The following IQCB1 variants were observed in gnomAD, a reference collection of about 807,000 sequenced individuals.
IQCB1 encodes IQ calmodulin-binding motif-containing protein 1.
Under a neutral mutation model 84.4 loss-of-function variants are expected in IQCB1, and 56 were observed. The ratio of observed to expected loss-of-function variants is 0.66; its 90% confidence interval spans 0.54 to 0.83. IQCB1 has a LOEUF of 0.83. Among genes scored for constraint, IQCB1 ranks in the 40% least tolerant of loss-of-function variants. The pLI, the probability that IQCB1 is intolerant of heterozygous loss-of-function variation, is 0.00. For synonymous variants in IQCB1, 210 were observed against 234.8 expected, an observed-to-expected ratio of 0.89 and a Z score of 0.96; for missense variants, 629 against 682.1, an observed-to-expected ratio of 0.92 and a Z score of 0.87.
At chr3:121,786,732 T>C (rs1948754897) in intron 12 of IQCB1, among the ~76,000 whole-genome samples, 1 of 152,178 alleles carries the variant, frequency 6.6e-6, no homozygotes, top group South Asian at 2.1e-4. Context: ...CAACTTTGCC[T>C]TCGTAGCCTT....
intron 10 of IQCB1, among the ~76,000 whole-genome samples, chr3:121,792,450 G>C (rs907199632): frequency 2.6e-5 from 4 of 151,664 alleles, no homozygotes; most frequent in African/African-American, 9.7e-5. Flanking sequence ...ACGAGGTCAG[G>C]AGATCGAGAC....
At chr3:121,787,534 C>T (rs747312520) in intron 12 of IQCB1, among the ~76,000 whole-genome samples, 15 of 152,232 alleles carry the variant, frequency 9.9e-5, no homozygotes, top group South Asian at 2.1e-4. Flanking sequence ...GGGCAGATCA[C>T]GAGGTCTAGA....
At chr3:121,793,195 T>A (rs1480271927) in intron 10 of IQCB1, among the ~76,000 whole-genome samples, 2 of 152,210 alleles carry the variant, frequency 1.3e-5, no homozygotes, top group Admixed American at 6.5e-5. Flanking sequence ...AGGTAAATTG[T>A]GAGGTTTCTC....
intron 5 of IQCB1, among the ~76,000 whole-genome samples, chr3:121,824,695 T>C (rs1325304570): frequency 3.3e-5 from 5 of 151,460 alleles, no homozygotes; most frequent in Non-Finnish European, 5.9e-5. Flanking sequence ...TGTGTATGTA[T>C]CTAATCACAG....
At chr3:121,801,202 A>G (rs1281482016) in intron 7 of IQCB1, among the ~76,000 whole-genome samples, 1 of 151,882 alleles carries the variant, frequency 6.6e-6, no homozygotes, top group Non-Finnish European at 1.5e-5. Context: ...GTTTTTCTCT[A>G]CCATGTATAA....
chr3:121,796,184 A>C (rs1949188879), intron 9 of IQCB1, among the ~76,000 whole-genome samples: 2 of 152,132 alleles, frequency 1.3e-5, no homozygotes, highest in African/African-American at 4.8e-5. Flanking sequence ...TAGTTTTGAG[A>C]TTAATCTAAA....
At chr3:121,826,496 T>A (rs772178921) in intron 4 of IQCB1, among the ~76,000 whole-genome samples, 2 of 152,202 alleles carry the variant, frequency 1.3e-5, no homozygotes, top group African/African-American at 4.8e-5. Flanking sequence ...CTCAAAGCTA[T>A]AGGATACCTT....
At chr3:121,818,906 G>C (rs1015008305) in intron 5 of IQCB1, among the ~76,000 whole-genome samples, 1 of 149,464 alleles carries the variant, frequency 6.7e-6, no homozygotes, top group Non-Finnish European at 1.5e-5. Flanking sequence ...ATGTTGTGAG[G>C]GTGGAAGCAA....
intron 9 of IQCB1, among the ~76,000 whole-genome samples, chr3:121,796,266 C>T (rs917710970): frequency 2.0e-5 from 3 of 152,094 alleles, no homozygotes; most frequent in African/African-American, 7.2e-5. Flanking sequence ...CCTCCCCCAA[C>T]CCATTCTCCT....
chr3:121,789,934 T>C, intron 11 of IQCB1, 139 bp downstream of exon 11: 1 of 729,134 alleles, frequency 1.4e-6, no homozygotes, highest in Non-Finnish European at 2.4e-6. Flanking sequence ...TCAGAAGATC[T>C]AATAAAGTTT....
intron 11 of IQCB1, among the ~76,000 whole-genome samples, chr3:121,789,551 A>C (rs1234607227): frequency 6.6e-6 from 1 of 152,292 alleles, no homozygotes; most frequent in South Asian, 2.1e-4. Flanking sequence ...GATGAAGTGA[A>C]ATAAAGGGCT....
Position 121,788,267 on chromosome 3 carries a change from CACT to C in IQCB1, c.1278+14_1278+16del, listed in dbSNP as rs1559762993. The C allele has an allele frequency of 6.2e-7, 1 of 1,612,872 alleles. No individual in the cohort carries two copies. The highest frequency in any genetic ancestry group is 8.5e-7 in the Non-Finnish European group (1 of 1,179,074). ...TTGCCTCTTGATTCAGAGCTCTTTTCACTACATTAGACTCACTGCTCTTTGAAG... is the reference window on the plus strand; with the variant it reads ...TTGCCTCTTGATTCAGAGCTCTTTTCACATTAGACTCACTGCTCTTTGAAG... On this transcript the variant is annotated intron_variant, in intron 12 of 14. Transcript: ENST00000310864.
chr3:121,774,603 C>T lies in IQCB1; in HGVS notation c.1411-1890G>A, dbSNP rs546290736. ...TTCAGCCTTTAAAAGTAGAAAATTC[C>T]GACATATGCTAAAACATGAACCTTG... On this transcript the variant is annotated intron_variant, in intron 13 of 14. Coordinates refer to ENST00000310864, the MANE Select transcript of IQCB1 (RefSeq NM_001023570.4). Among the ~76,000 whole-genome samples the T allele has an allele frequency of 1.3e-4, 20 of 152,142 alleles. No individual in the cohort carries two copies. In the South Asian group the frequency reaches 3.3e-3, roughly 25 times the overall value.
Position 121,788,160 on chromosome 3 carries a change from A to T in IQCB1, c.1278+124T>A, listed in dbSNP as rs994435284. On this transcript the variant is annotated intron_variant, in intron 12 of 14. Coordinates refer to ENST00000310864, the MANE Select transcript of IQCB1 (RefSeq NM_001023570.4). ...AGGGGTTTTTCTTTTACAAAAGAAA[A>T]AACTAAGGCTCAAGAAAACTAAGTG... The T allele has an allele frequency of 3.1e-6, 3 of 977,552 alleles. No homozygotes were observed. In the East Asian group the frequency reaches 7.3e-5, roughly 24 times the overall value. The allele number at this position is 977,552 out of a possible 1,614,324, so 60.6% of individuals were successfully genotyped here.
chr3:121,821,164 C>T (rs546181523), intron 5 of IQCB1, among the ~76,000 whole-genome samples: 4 of 152,030 alleles, frequency 2.6e-5, no homozygotes, highest in Admixed American at 1.3e-4. Flanking sequence ...CTAGGTCTTG[C>T]TATGTTGCCC....
intron 4 of IQCB1, among the ~76,000 whole-genome samples, chr3:121,827,341 G>A (rs1950497373): frequency 6.6e-6 from 1 of 151,316 alleles, no homozygotes; most frequent in Admixed American, 6.6e-5. Context: ...TTTGCACCTG[G>A]GTTCCTAAAG....
At chr3:121,806,575 G>A (rs1949606268) in intron 7 of IQCB1, among the ~76,000 whole-genome samples, 1 of 151,946 alleles carries the variant, frequency 6.6e-6, no homozygotes, top group African/African-American at 2.4e-5. Context: ...TGGAATTACT[G>A]CTTTCTCTTT....
chr3:121,803,494 A>G (rs1178460544), intron 7 of IQCB1, among the ~76,000 whole-genome samples: 4 of 87,140 alleles, frequency 4.6e-5, no homozygotes, highest in Non-Finnish European at 8.7e-5. Flanking sequence ...AGATTGGTTG[A>G]TATTATTGTT....
intron 13 of IQCB1, 144 bp from the exon 14 acceptor site, chr3:121,772,857 T>A: frequency 1.3e-6 from 1 of 759,530 alleles, no homozygotes; most frequent in Non-Finnish European, 2.2e-6. Context: ...TGTACTCTTA[T>A]GCAAGTATTA....
Sources: allele counts gnomAD v4.1 joint callset (sites outside exome capture counted in the v4.1 genomes callset), GRCh38; gene constraint gnomAD v4.1.1; transcripts MANE v1.5; gene names NCBI Gene and HGNC (gene_info 2026-07-23, HGNC 2026-07-21).